CNTNAP2: variants seen among roughly 807,000 people sequenced by gnomAD.
CNTNAP2 encodes contactin associated protein 2, also known as contactin-associated protein-like 2.
A neutral mutation model predicts 155.2 loss-of-function variants in CNTNAP2; 98 were observed. The observed-to-expected ratio is 0.63, with a 90% CI of 0.54 to 0.75. The LOEUF (loss-of-function observed/expected upper bound fraction) is 0.75. Among genes scored for constraint, CNTNAP2 ranks in the 30% least tolerant of loss-of-function variants. The pLI is 0.00. For synonymous variants in CNTNAP2, 651 were observed against 631.2 expected (o/e 1.03, Z -0.47); for missense variants, 1,727 against 1,688.1 (o/e 1.02, Z -0.40).
intron 1 of CNTNAP2, among the ~76,000 whole-genome samples, chr7:146,429,604 T>C (rs537941801): frequency 6.6e-6 from 1 of 152,286 alleles, no homozygotes; most frequent in African/African-American, 2.4e-5. Flanking sequence ...TGAAGTTGTT[T>C]ATCAGCTTAT....
intron 2 of CNTNAP2, among the ~76,000 whole-genome samples, chr7:146,803,417 G>T (rs1000120661): frequency 6.6e-6 from 1 of 152,128 alleles, no homozygotes; most frequent in African/African-American, 2.4e-5. Context: ...GGGCTTAGGA[G>T]GTAAAGAACA....
At chr7:146,154,879 TA>T in intron 1 of CNTNAP2, among the ~76,000 whole-genome samples, 1 of 152,336 alleles carries the variant, frequency 6.6e-6, no homozygotes, top group African/African-American at 2.4e-5. Flanking sequence ...CAGAGAGTTT[TA>T]TACTCTTCAG....
chr7:146,775,942 T>A (rs1425478747), intron 2 of CNTNAP2, among the ~76,000 whole-genome samples: 1 of 152,136 alleles, frequency 6.6e-6, no homozygotes, highest in Non-Finnish European at 1.5e-5. Flanking sequence ...TTTTATAACC[T>A]GATATTCATC....
intron 9 of CNTNAP2, among the ~76,000 whole-genome samples, chr7:147,312,604 T>C (rs1795147344): frequency 9.0e-6 from 1 of 110,958 alleles, no homozygotes; most frequent in South Asian, 3.2e-4. Flanking sequence ...TCATTTTTTA[T>C]GGCTGCATAG....
chr7:146,172,365 C>G (rs116824154), intron 1 of CNTNAP2, among the ~76,000 whole-genome samples: 2 of 151,776 alleles, frequency 1.3e-5, no homozygotes, highest in African/African-American at 4.8e-5. Context: ...ATGACCACCC[C>G]CAAAGCACAG....
intron 1 of CNTNAP2, among the ~76,000 whole-genome samples, chr7:146,648,762 G>A (rs1452286333): frequency 6.6e-6 from 1 of 151,968 alleles, no homozygotes; most frequent in African/African-American, 2.4e-5. Context: ...TTTGCTTTGA[G>A]GCCCTTTGAT....
At chr7:146,382,062 T>C (rs187795813) in intron 1 of CNTNAP2, among the ~76,000 whole-genome samples, 1,836 of 152,310 alleles carry the variant, frequency 0.012, 22 homozygotes, top group South Asian at 0.024. Context: ...AGAAAGCCTA[T>C]TGAAAATATC....
At chr7:146,467,455 A>G (rs1376764866) in intron 1 of CNTNAP2, among the ~76,000 whole-genome samples, 1 of 152,142 alleles carries the variant, frequency 6.6e-6, no homozygotes, top group Non-Finnish European at 1.5e-5. Flanking sequence ...ATAAAGTTAA[A>G]TGTGGTTGTC....
At chr7:147,698,746 C>T (rs547283169) in intron 13 of CNTNAP2, among the ~76,000 whole-genome samples, 8 of 152,184 alleles carry the variant, frequency 5.3e-5, no homozygotes, top group Admixed American at 4.6e-4. Flanking sequence ...TCTTATTTTG[C>T]AGATATGGGG....
At chr7:146,267,578 C>G (rs993948239) in intron 1 of CNTNAP2, among the ~76,000 whole-genome samples, 16 of 152,224 alleles carry the variant, frequency 1.1e-4, no homozygotes, top group African/African-American at 3.6e-4. Flanking sequence ...AGTTAGTGCC[C>G]TTGTTAAAGA....
At chr7:148,315,826 C>G (rs1418202205) in intron 21 of CNTNAP2, among the ~76,000 whole-genome samples, 1 of 152,104 alleles carries the variant, frequency 6.6e-6, no homozygotes, top group Non-Finnish European at 1.5e-5. Flanking sequence ...TACCACTTGA[C>G]CAAATTCCCT....
intron 12 of CNTNAP2, among the ~76,000 whole-genome samples, chr7:147,615,224 A>G (rs1338395644): frequency 2.9e-5 from 2 of 68,954 alleles, no homozygotes; most frequent in African/African-American, 7.0e-5. Flanking sequence ...TAATCATGCC[A>G]CTGCACTCCA....
At chr7:147,134,018 T>A (rs968774745) in intron 8 of CNTNAP2, among the ~76,000 whole-genome samples, 1 of 151,920 alleles carries the variant, frequency 6.6e-6, no homozygotes, top group Non-Finnish European at 1.5e-5. Flanking sequence ...CAAAAGCAAA[T>A]GTTTGCCACA....
At chr7:147,190,105 A>G (rs1386077912) in intron 8 of CNTNAP2, among the ~76,000 whole-genome samples, 1 of 152,114 alleles carries the variant, frequency 6.6e-6, no homozygotes, top group Non-Finnish European at 1.5e-5. Flanking sequence ...AAATATATTC[A>G]GTCCATTGTC....
intron 1 of CNTNAP2, among the ~76,000 whole-genome samples, chr7:146,304,248 T>C (rs1800667071): frequency 3.3e-5 from 5 of 152,062 alleles, no homozygotes. Flanking sequence ...ATCTTTTAAT[T>C]GGAGCACTTA....
intron 1 of CNTNAP2, among the ~76,000 whole-genome samples, chr7:146,638,843 T>G (rs2129160667): frequency 6.6e-6 from 1 of 152,178 alleles, no homozygotes; most frequent in South Asian, 2.1e-4. Context: ...ATTTTGTCAT[T>G]GTACAAAAAT....
chr7:147,895,960 A>C (rs1183508448), intron 13 of CNTNAP2, among the ~76,000 whole-genome samples: 2 of 152,244 alleles, frequency 1.3e-5, no homozygotes, highest in East Asian at 3.8e-4. Flanking sequence ...ATGTGGAAAG[A>C]GCTAAGTTAA....
intron 1 of CNTNAP2, among the ~76,000 whole-genome samples, chr7:146,305,280 G>A (rs956495167): frequency 3.9e-5 from 6 of 152,100 alleles, no homozygotes; most frequent in Admixed American, 6.6e-5. Flanking sequence ...CTCTCAACTC[G>A]TCAAAGTCTT....
chr7:148,206,915 C>T (rs1795459265), intron 18 of CNTNAP2, among the ~76,000 whole-genome samples: 1 of 152,100 alleles, frequency 6.6e-6, no homozygotes, highest in African/African-American at 2.4e-5. Context: ...TTAGTGAAAC[C>T]ATCCAGGCAT....
Sources: gnomAD v4.1 joint callset for allele counts (sites outside exome capture counted in the v4.1 genomes callset) on GRCh38, gnomAD v4.1.1 for gene constraint, MANE v1.5 for transcripts, NCBI Gene and HGNC (gene_info 2026-07-23, HGNC 2026-07-21) for gene names.